The following AGAP1 variants were observed in gnomAD, a reference collection of about 807,000 sequenced individuals.
The protein encoded by AGAP1 is ArfGAP with GTPase domain, ankyrin repeat and PH domain 1.
A neutral mutation model predicts 105.3 loss-of-function variants in AGAP1; 29 were observed. The ratio of observed to expected loss-of-function variants is 0.28; its 90% CI spans 0.21 to 0.38. AGAP1 has a LOEUF of 0.38. AGAP1 is among the 10% of genes least tolerant of loss of function. The probability of loss-of-function intolerance (pLI) is 1.00; values close to 1 mark genes in which losing one functional copy is unlikely to be tolerated. For missense variants in AGAP1, 998 were observed against 1,165.1 expected, an observed-to-expected ratio of 0.86 and a Z score of 2.09; for synonymous variants, 509 against 485.9, an observed-to-expected ratio of 1.05 and a Z score of -0.63.
At chr2:236,011,471 C>G (rs547039499) in intron 13 of AGAP1, among the ~76,000 whole-genome samples, 1 of 152,128 alleles carries the variant, frequency 6.6e-6, no homozygotes, top group African/African-American at 2.4e-5. Flanking sequence ...GACATCCTGC[C>G]GCATACATAG....
Position 236,082,038 on chromosome 2 carries a change from AAG to A in AGAP1, c.2114+32760_2114+32761del, listed in dbSNP as rs2058798901. Among the ~76,000 whole-genome samples the A allele has an allele frequency of 6.6e-6, 1 of 152,226 alleles. No homozygotes were observed. Reference sequence around the variant, plus strand: ...CACTAATCCAAAAGGAATGTGAAAAAAGAGTTGTTTTAATGTTGGAAAAAGGC... The same window carrying A: ...CACTAATCCAAAAGGAATGTGAAAAAAGTTGTTTTAATGTTGGAAAAAGGC... On this transcript the variant is annotated intron_variant, in intron 16 of 17. Transcript: ENST00000304032. This position sits in a 1 kb window ranked among gnomAD's most constrained non-coding sequence, Gnocchi z 4.2.
In AGAP1 at chr2:235,621,042, A is replaced by G. The variant is rs993907577; in HGVS notation, c.164-88137A>G. 6.6e-6 allele frequency among the ~76,000 whole-genome samples: 1 copy of G among 151,750 alleles called. No individual in the cohort carries two copies. The highest frequency in any genetic ancestry group is 1.5e-5 in the Non-Finnish European group (1 of 67,966). On this transcript the variant is annotated intron_variant, in intron 1 of 17. Transcript: ENST00000304032. This position sits in a 1 kb window ranked among gnomAD's most constrained non-coding sequence, Gnocchi z 4.1. ...GTTAATTTTTTTCCTTTTTTTGGAG[A>G]CCCAGTCTCGCTCTTGTCTCCCAGG...
intron 13 of AGAP1, among the ~76,000 whole-genome samples, chr2:236,010,672 A>G (rs542807954): frequency 2.0e-5 from 3 of 152,296 alleles, no homozygotes; most frequent in African/African-American, 7.2e-5. Flanking sequence ...TTTGTAATTC[A>G]AAGACTGCCT....
rs1574860206 is a variant in AGAP1, at chr2:235,566,544, C to T, written c.163+71695C>T. On this transcript the variant is annotated intron_variant, in intron 1 of 17. Coordinates refer to ENST00000304032, the MANE Select transcript of AGAP1 (RefSeq NM_001037131.3). This position sits in a 1 kb window ranked among gnomAD's most constrained non-coding sequence, Gnocchi z 5.2. The stretch of plus-strand genomic sequence containing the variant: ...TCATCAGTGCGCCGTACGTTTTGGC[C>T]AGCACTTTATTTTATGGAACAGAGG... 1 of 984,548 alleles carries T rather than the reference C, an allele frequency of 1.0e-6. No homozygotes were observed. Among genetic ancestry groups the T allele is most frequent in the Non-Finnish European group, 1.2e-6 (1 of 829,326 alleles). The allele number at this position is 984,548 out of a possible 1,614,324, so 61.0% of individuals were successfully genotyped here. A position where few individuals can be genotyped will look rare whatever the true frequency, so the allele number is the denominator to read the frequency against.
rs777391498 is a variant in AGAP1 at position 235,992,636 on chromosome 2, G to A, written c.1645+24013G>A. On this transcript the variant is annotated intron_variant, in intron 13 of 17. Coordinates refer to ENST00000304032, the MANE Select transcript of AGAP1 (RefSeq NM_001037131.3). This position sits in a 1 kb window ranked among gnomAD's most constrained non-coding sequence, Gnocchi z 4.8. Reference sequence around the variant, plus strand: ...ATATTATGCTTTTTAAATGTTGAAGGCAATACTCATCAGAGTATGCATTAA... The same window carrying A: ...ATATTATGCTTTTTAAATGTTGAAGACAATACTCATCAGAGTATGCATTAA... 6.6e-6 allele frequency among the ~76,000 whole-genome samples: 1 copy of A among 152,178 alleles called. No homozygotes were observed. Among genetic ancestry groups the A allele is most frequent in the Non-Finnish European group, 1.5e-5 (1 of 68,034 alleles).
At chr2:236,019,868 C>T (rs941933965) in intron 13 of AGAP1, among the ~76,000 whole-genome samples, 1 of 152,218 alleles carries the variant, frequency 6.6e-6, no homozygotes, top group Admixed American at 6.5e-5. Context: ...TCAAGGCCCC[C>T]GCCAAATGCC....
Position 236,014,038 on chromosome 2 carries a change from A to G in AGAP1, c.1646-22523A>G, listed in dbSNP as rs528459158. ...AGTGAGCCAGCCAGGCACTGCACAC[A>G]GCCTGAGTGGTGGGCCTGCTGCGCC... is the stretch of plus-strand genomic sequence containing the variant. On this transcript the variant is annotated intron_variant, in intron 13 of 17. Coordinates refer to ENST00000304032, the MANE Select transcript of AGAP1 (RefSeq NM_001037131.3). The surrounding 1 kb of genome is among the most constrained non-coding windows in gnomAD (Gnocchi z 6.3). Among the ~76,000 whole-genome samples, 21 of 152,276 alleles carry G rather than the reference A, an allele frequency of 1.4e-4. No individual in the cohort carries two copies. The highest frequency in any genetic ancestry group is 5.1e-4 in the African/African-American group (21 of 41,552).
At chr2:235,923,387 A>G (rs2052281104) in intron 11 of AGAP1, among the ~76,000 whole-genome samples, 1 of 152,132 alleles carries the variant, frequency 6.6e-6, no homozygotes, top group Non-Finnish European at 1.5e-5. Context: ...GATAAGTGTT[A>G]CTGGTACAAC....
At chr2:236,015,386 TA>T (rs1485966831) in intron 13 of AGAP1, among the ~76,000 whole-genome samples, 2 of 82,748 alleles carry the variant, frequency 2.4e-5, no homozygotes, top group Admixed American at 9.0e-5. Flanking sequence ...CATGGGCTGC[TA>T]TTTGCTTGTA....
intron 6 of AGAP1, among the ~76,000 whole-genome samples, chr2:235,768,880 A>C (rs1432089384): frequency 6.6e-6 from 1 of 152,212 alleles, no homozygotes; most frequent in African/African-American, 2.4e-5. Flanking sequence ...TGATTCATCG[A>C]GTTCCCAGAT....
In AGAP1 at chr2:235,705,520, C is replaced by T. The variant is rs376977242; in HGVS notation, c.164-3659C>T. Among the ~76,000 whole-genome samples the T allele has an allele frequency of 1.3e-5, 2 of 152,196 alleles. No homozygotes were observed. The highest frequency in any genetic ancestry group is 4.8e-5 in the African/African-American group (2 of 41,452). ...CTACTGAGTGATGAACAATTCCACG[C>T]CAGCACAGTGTCCAGCCCACAGATA... is the stretch of plus-strand genomic sequence containing the variant. On this transcript the variant is annotated intron_variant, in intron 1 of 17. Coordinates refer to ENST00000304032, the MANE Select transcript of AGAP1 (RefSeq NM_001037131.3). This position sits in a 1 kb window ranked among gnomAD's most constrained non-coding sequence, Gnocchi z 4.9.
At chr2:235,518,271 G>A (rs927501358) in intron 1 of AGAP1, among the ~76,000 whole-genome samples, 1 of 152,194 alleles carries the variant, frequency 6.6e-6, no homozygotes, top group Admixed American at 6.5e-5. Flanking sequence ...TGCTTATCAG[G>A]AATCTCAAAA....
At position 235,992,718 on chromosome 2, in the gene AGAP1, C is replaced by T. The variant is rs147690816; in HGVS notation, c.1645+24095C>T. Among the ~76,000 whole-genome samples, 4 of 152,286 alleles carry T rather than the reference C, an allele frequency of 2.6e-5. No individual in the cohort carries two copies. The East Asian group carries it at 5.8e-4, about 22-fold the overall frequency. On this transcript the variant is annotated intron_variant, in intron 13 of 17. Coordinates refer to ENST00000304032, the MANE Select transcript of AGAP1 (RefSeq NM_001037131.3). This position sits in a 1 kb window ranked among gnomAD's most constrained non-coding sequence, Gnocchi z 4.8. ...TTCAACTCACCAAGAATATCGTGGC[C>T]GCTGAGGTCCTGCACACCTGGGGAT...
chr2:235,683,557 G>A (rs890580107), intron 1 of AGAP1, among the ~76,000 whole-genome samples: 4 of 151,306 alleles, frequency 2.6e-5, no homozygotes, highest in Non-Finnish European at 4.4e-5. Flanking sequence ...ATATTTAAAT[G>A]TGCTAAATGT....
intron 2 of AGAP1, among the ~76,000 whole-genome samples, chr2:235,715,398 AG>A (rs1951051493): frequency 6.6e-6 from 1 of 152,104 alleles, no homozygotes; most frequent in Non-Finnish European, 1.5e-5. Context: ...GCCACTGTCA[AG>A]GCTGTCTGGG....
chr2:235,748,980 G>A (rs1015448192), intron 5 of AGAP1, among the ~76,000 whole-genome samples: 3 of 152,138 alleles, frequency 2.0e-5, no homozygotes, highest in Non-Finnish European at 2.9e-5. Context: ...AGGCCCAGGC[G>A]GGTGGATCAC....
chr2:235,761,829 C>T (rs1011799836), intron 6 of AGAP1, among the ~76,000 whole-genome samples: 5 of 151,898 alleles, frequency 3.3e-5, no homozygotes, highest in South Asian at 2.1e-4. Flanking sequence ...GGACATAGGC[C>T]GGGCGCACAG....
chr2:236,042,850 A>G lies in AGAP1; in HGVS notation c.1891+2009A>G, dbSNP rs1258018360. On this transcript the variant is annotated intron_variant, in intron 15 of 17. Transcript: ENST00000304032. This position sits in a 1 kb window ranked among gnomAD's most constrained non-coding sequence, Gnocchi z 5.6. The stretch of plus-strand genomic sequence containing the variant: ...GAGAAAGAGGCGATACCAAGCACGC[A>G]TTTGCTAAATGTGTGGTCTGTGTCA... Among the ~76,000 whole-genome samples the G allele has an allele frequency of 6.6e-6, 1 of 152,194 alleles. No homozygotes were observed. Among genetic ancestry groups the G allele is most frequent in the Non-Finnish European group, 1.5e-5 (1 of 68,032 alleles).
At chr2:235,649,682 T>C (rs770191112) in intron 1 of AGAP1, among the ~76,000 whole-genome samples, 150 of 152,296 alleles carry the variant, frequency 9.8e-4, no homozygotes, top group Non-Finnish European at 1.4e-3. Context: ...GAGATTGTGC[T>C]TTTCTAGCGC....
Sources: allele counts gnomAD v4.1 joint callset (sites outside exome capture counted in the v4.1 genomes callset), GRCh38; gene constraint gnomAD v4.1.1; non-coding constraint Gnocchi (gnomAD v3.1); transcripts MANE v1.5; gene names NCBI Gene and HGNC (gene_info 2026-07-23, HGNC 2026-07-21).